The following RIMS1 variants were observed in gnomAD, a reference collection of about 807,000 sequenced individuals.
The protein encoded by RIMS1 is regulating synaptic membrane exocytosis 1.
A neutral mutation model predicts 214.1 loss-of-function variants in RIMS1; 83 were observed. The ratio of observed to expected loss-of-function variants is 0.39; its 90% CI spans 0.32 to 0.47. The LOEUF is 0.47. RIMS1 is among the 20% of genes least tolerant of loss of function. The pLI is 0.99. For synonymous variants in RIMS1, 793 were observed against 786.8 expected (o/e 1.01, Z -0.13); for missense variants, 2,050 against 2,161.8 (o/e 0.95, Z 1.03).
intron 6 of RIMS1, chr6:72,213,293 C>T (rs2054214653): frequency 7.8e-7 from 1 of 1,276,920 alleles, no homozygotes; most frequent in Non-Finnish European, 1.1e-6. Flanking sequence ...TTAACACTCC[C>T]TCTGTATCTA....
intron 4 of RIMS1, among the ~76,000 whole-genome samples, chr6:72,128,218 CT>C (rs1280527750): frequency 6.6e-6 from 1 of 152,062 alleles, no homozygotes; most frequent in Non-Finnish European, 1.5e-5. Context: ...GGTGTTAAAG[CT>C]GGCAAAAGTC....
chr6:72,075,206 C>G (rs1249179033), intron 2 of RIMS1, among the ~76,000 whole-genome samples: 1 of 152,008 alleles, frequency 6.6e-6, no homozygotes, highest in Non-Finnish European at 1.5e-5. Context: ...CTCAGACTCC[C>G]AAGTAGCTAG....
At chr6:72,316,530 C>A in intron 28 of RIMS1, 1 of 378,154 alleles carries the variant, frequency 2.6e-6, no homozygotes, top group Non-Finnish European at 5.1e-6. Context: ...CCCTCCTGGC[C>A]TTGGCTCCCT....
At chr6:71,906,284 G>C (rs1050269901) in intron 1 of RIMS1, among the ~76,000 whole-genome samples, 2 of 152,178 alleles carry the variant, frequency 1.3e-5, no homozygotes, top group African/African-American at 2.4e-5. Flanking sequence ...CTTTAGTGTT[G>C]AGCAAATTCT....
rs536980610 is a variant in RIMS1, at chr6:72,122,200, CT to C, written c.471+22220del. On this transcript the variant is annotated intron_variant, in intron 4 of 33. Coordinates refer to ENST00000521978, the MANE Select transcript of RIMS1 (RefSeq NM_014989.7). Reference sequence around the variant, plus strand: ...GAGTTAGGGAGGATTCCCTCTTTTCCTTTTTTCTTTTTTTTTTTTTTTGAGA... The same window carrying C: ...GAGTTAGGGAGGATTCCCTCTTTTCCTTTTTCTTTTTTTTTTTTTTTGAGA... 6.6e-3 allele frequency among the ~76,000 whole-genome samples: 426 copies of C among 64,646 alleles called. 15 individuals carry two copies. The highest frequency in any genetic ancestry group is 0.012 in the South Asian group (22 of 1,898). 42.4% of individuals were successfully genotyped at this position (64,646 alleles called of 152,430 possible). A position where few individuals can be genotyped will look rare whatever the true frequency, so the allele number is the denominator to read the frequency against.
At chr6:71,929,247 G>A (rs952961491) in intron 1 of RIMS1, among the ~76,000 whole-genome samples, 3 of 152,082 alleles carry the variant, frequency 2.0e-5, no homozygotes, top group Non-Finnish European at 2.9e-5. Flanking sequence ...GTATAGAGCC[G>A]ACACAGTTGG....
intron 7 of RIMS1, among the ~76,000 whole-genome samples, chr6:72,235,317 G>A (rs909018842): frequency 1.3e-5 from 2 of 151,922 alleles, no homozygotes; most frequent in African/African-American, 4.8e-5. Context: ...AGCTGTAATT[G>A]TATATTCTTT....
chr6:72,138,609 C>A (rs1204728168), intron 4 of RIMS1, among the ~76,000 whole-genome samples: 1 of 151,874 alleles, frequency 6.6e-6, no homozygotes, highest in Non-Finnish European at 1.5e-5. Flanking sequence ...GGGATGAGAA[C>A]AAGGGAGGCA....
At chr6:72,097,204 A>G (rs2032018350) in intron 3 of RIMS1, 42 bp downstream of exon 3, 2 of 1,543,586 alleles carry the variant, frequency 1.3e-6, no homozygotes, top group Non-Finnish European at 1.8e-6. Context: ...GAATGTGGAT[A>G]AAAACTATTA....
At chr6:72,263,825 A>G (rs1032761812) in intron 19 of RIMS1, 3 of 429,556 alleles carry the variant, frequency 7.0e-6, no homozygotes, top group Non-Finnish European at 9.3e-6. Flanking sequence ...ACACACACAC[A>G]CACACACACA....
intron 16 of RIMS1, among the ~76,000 whole-genome samples, chr6:72,256,087 T>A (rs1008763360): frequency 4.0e-5 from 6 of 151,180 alleles, no homozygotes; most frequent in Admixed American, 4.0e-4. Context: ...GTGCATGTTG[T>A]CAACAATAAC....
intron 11 of RIMS1, among the ~76,000 whole-genome samples, chr6:72,246,225 A>G (rs949296666): frequency 1.3e-5 from 2 of 152,204 alleles, no homozygotes; most frequent in Non-Finnish European, 2.9e-5. Flanking sequence ...TCTCAAGAGC[A>G]GCCTAGTGAA....
chr6:72,395,372 C>A (rs1468452303), intron 31 of RIMS1, among the ~76,000 whole-genome samples: 2 of 151,896 alleles, frequency 1.3e-5, no homozygotes, highest in African/African-American at 2.4e-5. Flanking sequence ...AGGACATCAT[C>A]TCAAGTCATG....
chr6:71,919,908 A>C (rs570780948), intron 1 of RIMS1, among the ~76,000 whole-genome samples: 4 of 152,204 alleles, frequency 2.6e-5, no homozygotes, highest in Non-Finnish European at 4.4e-5. Flanking sequence ...CAAACAACAT[A>C]AGTAACAACA....
chr6:72,058,387 C>A (rs765095116), intron 2 of RIMS1, among the ~76,000 whole-genome samples: 1 of 152,110 alleles, frequency 6.6e-6, no homozygotes, highest in Non-Finnish European at 1.5e-5. Flanking sequence ...ATAGAAATAC[C>A]CAGAAACTGA....
intron 2 of RIMS1, among the ~76,000 whole-genome samples, chr6:71,975,845 T>G (rs1173001273): frequency 1.4e-5 from 2 of 142,712 alleles, no homozygotes; most frequent in Non-Finnish European, 3.3e-5. Flanking sequence ...TATATCTGGC[T>G]TTTTTCATTT....
intron 1 of RIMS1, among the ~76,000 whole-genome samples, chr6:71,957,113 A>C (rs1381237234): frequency 6.6e-6 from 1 of 152,170 alleles, no homozygotes; most frequent in South Asian, 2.1e-4. Context: ...ATTGCACAAC[A>C]AAGGGAGTCA....
chr6:71,909,183 G>A (rs1039228076), intron 1 of RIMS1, among the ~76,000 whole-genome samples: 1 of 152,082 alleles, frequency 6.6e-6, no homozygotes, highest in Non-Finnish European at 1.5e-5. Flanking sequence ...TTTTAGTAGA[G>A]ACGGGGTTTC....
At chr6:72,352,127 C>T (rs1457435792) in intron 29 of RIMS1, among the ~76,000 whole-genome samples, 4 of 152,212 alleles carry the variant, frequency 2.6e-5, no homozygotes, top group Non-Finnish European at 4.4e-5. Flanking sequence ...AAACGTTTTA[C>T]TGTACAACCA....
Sources: allele counts gnomAD v4.1 joint callset (sites outside exome capture counted in the v4.1 genomes callset), GRCh38; gene constraint gnomAD v4.1.1; transcripts MANE v1.5; gene names NCBI Gene and HGNC (gene_info 2026-07-23, HGNC 2026-07-21).